TNKS2: variants seen among roughly 807,000 people sequenced by gnomAD.
The protein encoded by TNKS2 is poly [ADP-ribose] polymerase tankyrase-2.
TNKS2 carries 72 observed loss-of-function variants against 137.6 expected under a neutral mutation model. That is an observed-to-expected ratio of 0.52 (90% confidence interval 0.43 to 0.64). TNKS2 has a LOEUF of 0.64. TNKS2 is among the 30% of genes least tolerant of loss of function. The probability of loss-of-function intolerance (pLI) is 0.00; values close to 1 mark genes in which losing one functional copy is unlikely to be tolerated. For missense variants in TNKS2, 1,049 were observed against 1,410.2 expected (o/e 0.74, Z 4.10); for synonymous variants, 516 against 512.1 (o/e 1.01, Z -0.10).
chr10:91,840,505 A>G (rs1842177493), intron 13 of TNKS2, 56 bp from the exon 14 acceptor site: 2 of 1,505,418 alleles, frequency 1.3e-6, no homozygotes, highest in Non-Finnish European at 9.0e-7. Context: ...ATGACTTGAA[A>G]CAAGAAATAA....
At chr10:91,799,520 G>A (rs958011066) in intron 1 of TNKS2, among the ~76,000 whole-genome samples, 5 of 152,170 alleles carry the variant, frequency 3.3e-5, no homozygotes, top group African/African-American at 1.2e-4. Context: ...TACAAGTTGG[G>A]CGGAAAGTGG....
At chr10:91,851,014 T>C (rs1630388) in intron 20 of TNKS2, among the ~76,000 whole-genome samples, 27,751 of 152,166 alleles carry the variant, frequency 0.18, 2,630 homozygotes, top group Middle Eastern at 0.28. Flanking sequence ...ATAGAATACC[T>C]GAATGTGGTT....
intron 6 of TNKS2, among the ~76,000 whole-genome samples, chr10:91,821,312 A>G (rs763225923): frequency 4.6e-5 from 7 of 151,808 alleles, no homozygotes; most frequent in Non-Finnish European, 8.8e-5. Context: ...GATTACAGGC[A>G]TGAGCCACCA....
intron 1 of TNKS2, 44 bp downstream of exon 1, chr10:91,798,933 T>C (rs1046291837): frequency 7.5e-7 from 1 of 1,325,936 alleles, no homozygotes; most frequent in Non-Finnish European, 9.7e-7. Flanking sequence ...AGACCCCACC[T>C]GCGCAGCCGG....
intron 23 of TNKS2, among the ~76,000 whole-genome samples, chr10:91,856,123 T>A (rs1842697557): frequency 1.3e-5 from 2 of 152,170 alleles, no homozygotes; most frequent in Non-Finnish European, 2.9e-5. Context: ...TAAACTTTAA[T>A]AGTACTCTCT....
chr10:91,844,990 G>A lies in TNKS2; in HGVS notation c.2131G>A (p.Gly711Arg). 1 of 1,613,484 alleles carries A rather than the reference G, an allele frequency of 6.2e-7. No individual in the cohort carries two copies. The highest frequency in any genetic ancestry group is 1.7e-5 in the Admixed American group (1 of 59,976). ...AGCTGATGTGAATGCCCAAGACAAA[G>A]GAGGACTTATTCCTTTACATAATGC... ...HGADVNAQDK[G>R]GLIPLHNAAS... The change falls in exon 17 of 27, where the codon GGA becomes AGA. Residue 711 changes from glycine (G) to arginine (R), a missense_variant. Gly to Arg is a moderately radical substitution (Grantham distance 125). Around this residue, in one of 6 missense-constraint regions of TNKS2, gnomAD observed 328 missense variants for 436.0 expected, o/e 0.75. Transcript: ENST00000371627.
At chr10:91,834,651 G>A (rs747282735) in intron 12 of TNKS2, among the ~76,000 whole-genome samples, 2 of 152,124 alleles carry the variant, frequency 1.3e-5, no homozygotes, top group Non-Finnish European at 2.9e-5. Flanking sequence ...TGATCTTTAT[G>A]CCTTTGTTCT....
intron 1 of TNKS2, among the ~76,000 whole-genome samples, chr10:91,809,036 A>G (rs1215330711): frequency 6.6e-6 from 1 of 152,158 alleles, no homozygotes. Context: ...CTAACTATGT[A>G]TGAGAATGGA....
intron 1 of TNKS2, among the ~76,000 whole-genome samples, chr10:91,805,200 C>T (rs1032950579): frequency 1.3e-5 from 2 of 151,892 alleles, no homozygotes; most frequent in African/African-American, 2.4e-5. Context: ...ATTAAAATCT[C>T]AGACTATTAA....
intron 2 of TNKS2, among the ~76,000 whole-genome samples, chr10:91,816,265 G>A (rs1354400914): frequency 6.6e-6 from 1 of 152,040 alleles, no homozygotes; most frequent in Admixed American, 6.6e-5. Flanking sequence ...CCCTTTTTAT[G>A]TGCCTTGAAT....
In TNKS2 at chr10:91,817,199, G is replaced by T; in HGVS notation, c.490G>T (p.Ala164Ser). The change falls in exon 3 of 27, where the codon GCA (alanine) becomes TCA (serine). Residue 164 changes from alanine (A) to serine (S), a missense_variant. By Grantham distance (99) the Ala-to-Ser change is moderately conservative. This residue lies in a region of TNKS2 where 374 missense variants were observed against 460.8 expected (regional missense o/e 0.81). Transcript: ENST00000371627. ...NTDGRTALDL[A>S]DPSAKAVLTG... ...AGATGGAAGGACAGCATTGGATTTA[G>T]CAGATCCATCTGCCAAAGCAGTGCT... 6.2e-7 allele frequency: 1 copy of T among 1,613,524 alleles called. No individual in the cohort carries two copies. The highest frequency in any genetic ancestry group is 8.5e-7 in the Non-Finnish European group (1 of 1,179,760).
At chr10:91,827,419 T>C (rs759052791) in intron 8 of TNKS2, among the ~76,000 whole-genome samples, 4 of 152,218 alleles carry the variant, frequency 2.6e-5, no homozygotes, top group Non-Finnish European at 2.9e-5. Context: ...AGTCAAGTTA[T>C]ATGCTTTTTA....
At chr10:91,826,449 GCAA>G (rs1207025504) in intron 7 of TNKS2, among the ~76,000 whole-genome samples, 2 of 152,174 alleles carry the variant, frequency 1.3e-5, no homozygotes. Context: ...AACTACTTGT[GCAA>G]CAACATGAAT....
intron 9 of TNKS2, among the ~76,000 whole-genome samples, chr10:91,829,910 T>C (rs1344314845): frequency 1.3e-5 from 2 of 152,250 alleles, no homozygotes; most frequent in East Asian, 3.8e-4. Context: ...ATTTAACATA[T>C]ATACATTGAT....
In TNKS2 at chr10:91,855,081, A is replaced by C. The variant is rs144218813; in HGVS notation, c.2868A>C (p.Ile956=). The C allele has an allele frequency of 6.2e-6, 10 of 1,611,990 alleles. No homozygotes were observed. In the African/African-American group the frequency reaches 1.3e-4, roughly 22 times the overall value. ...LNTSGSGTIL[I]DLSPDDKEFQ... is the part of the protein sequence containing the mutation. Reference sequence around the variant, plus strand: ...CCTCTGGTAGTGGAACAATTCTTATAGATCTGTCTCCTGATGATAAAGAGT... The same window carrying C: ...CCTCTGGTAGTGGAACAATTCTTATCGATCTGTCTCCTGATGATAAAGAGT... The change falls in exon 22 of 27, where the codon ATA becomes ATC. Residue 956 remains isoleucine, a synonymous_variant. Coordinates refer to ENST00000371627, the MANE Select transcript of TNKS2 (RefSeq NM_025235.4).
In TNKS2 at chr10:91,822,371, T is replaced by C. The variant is rs1425769655; in HGVS notation, c.795+9T>C. 6.3e-7 allele frequency: 1 copy of C among 1,598,186 alleles called. No homozygotes were observed. Among genetic ancestry groups the C allele is most frequent in the East Asian group, 2.2e-5 (1 of 44,688 alleles). On this transcript the variant is annotated intron_variant, in intron 7 of 26. Transcript: ENST00000371627. ...CTGAACTTTTGGTCAAGGTTAGTGCTCTTGTACTCTCCTAATTACTTTCTA... is the reference window on the plus strand; with the variant it reads ...CTGAACTTTTGGTCAAGGTTAGTGCCCTTGTACTCTCCTAATTACTTTCTA...
chr10:91,842,457 T>TG, intron 16 of TNKS2, 66 bp downstream of exon 16: 1 of 1,465,192 alleles, frequency 6.8e-7, no homozygotes, highest in Non-Finnish European at 9.4e-7. Context: ...CCAGGTAAAA[T>TG]ATTTTCTGTA....
At position 91,836,986 on chromosome 10, in the gene TNKS2, C is replaced by T. The variant is rs1230785591; in HGVS notation, c.1515C>T (p.Val505=). 3.1e-6 allele frequency: 5 copies of T among 1,612,656 alleles called. No homozygotes were observed. Among genetic ancestry groups the T allele is most frequent in the East Asian group, 2.2e-5 (1 of 44,790 alleles). Residue 505 remains valine (V), a synonymous_variant, in exon 13 of 27, where the codon GTC becomes GTT. Coordinates refer to ENST00000371627, the MANE Select transcript of TNKS2 (RefSeq NM_025235.4). Reference sequence around the variant, plus strand: ...TGGAAGCTGCAAAGGCTGGAGATGTCGAAACTGTAAAAGTAAGATACAGTG... The same window carrying T: ...TGGAAGCTGCAAAGGCTGGAGATGTTGAAACTGTAAAAGTAAGATACAGTG... ...QLLEAAKAGD[V]ETVKKLCTVQ...
chr10:91,821,328 G>A (rs550123302), intron 6 of TNKS2, among the ~76,000 whole-genome samples: 2 of 152,080 alleles, frequency 1.3e-5, no homozygotes, highest in South Asian at 4.1e-4. Flanking sequence ...CACCACGCCT[G>A]GCCTAGAACT....
Sources: allele counts gnomAD v4.1 joint callset (sites outside exome capture counted in the v4.1 genomes callset), GRCh38; gene constraint gnomAD v4.1.1; regional missense constraint gnomAD v4.1.1; transcripts MANE v1.5; gene names NCBI Gene and HGNC (gene_info 2026-07-23, HGNC 2026-07-21).